The following EPM2A variants were observed in gnomAD, a reference collection of about 807,000 sequenced individuals.
EPM2A encodes EPM2A glucan phosphatase, laforin.
Under a neutral mutation model 26.5 loss-of-function variants are expected in EPM2A, and 21 were observed. The observed-to-expected ratio is 0.79, with a 90% CI of 0.56 to 1.14. The LOEUF is 1.14. Among genes scored for constraint, EPM2A ranks in the 50% most tolerant of loss-of-function variants. The pLI, the probability that EPM2A is intolerant of heterozygous loss-of-function variation, is 0.00. For synonymous variants in EPM2A, 217 were observed against 177.6 expected (o/e 1.22, Z -1.76); for missense variants, 458 against 440.8 (o/e 1.04, Z -0.35).
intron 3 of EPM2A, among the ~76,000 whole-genome samples, chr6:145,633,268 C>A (rs970851902): frequency 6.6e-6 from 1 of 152,182 alleles, no homozygotes; most frequent in African/African-American, 2.4e-5. Context: ...AAATCAGATT[C>A]AGAGATGCTA....
intron 2 of EPM2A, among the ~76,000 whole-genome samples, chr6:145,566,864 A>T (rs542135913): frequency 7.3e-4 from 111 of 152,356 alleles, no homozygotes; most frequent in Non-Finnish European, 1.5e-3. Context: ...GTAGTAAATT[A>T]GGAAAGAAAA....
At chr6:145,406,285 T>C (rs1582730860) in intron 4 of EPM2A, among the ~76,000 whole-genome samples, 1 of 152,314 alleles carries the variant, frequency 6.6e-6, no homozygotes, top group East Asian at 1.9e-4. Flanking sequence ...AGTGATCATG[T>C]AAGTTCCTAA....
intron 1 of EPM2A, chr6:145,734,485 T>C (rs750907099): frequency 6.6e-6 from 1 of 152,214 alleles, no homozygotes; most frequent in Non-Finnish European, 1.5e-5. Context: ...CAGCATGTAT[T>C]GTTTTAGTAT....
chr6:145,596,117 T>C (rs1038613994), intron 2 of EPM2A, among the ~76,000 whole-genome samples: 7 of 152,238 alleles, frequency 4.6e-5, no homozygotes, highest in African/African-American at 1.7e-4. Context: ...GACTACGTAT[T>C]ATCATATCAG....
chr6:145,730,084 A>G (rs1277635035), intron 1 of EPM2A, among the ~76,000 whole-genome samples: 1 of 152,048 alleles, frequency 6.6e-6, no homozygotes, highest in Non-Finnish European at 1.5e-5. Flanking sequence ...ATCTTCTGCC[A>G]TATTTGTTCG....
chr6:145,482,514 A>G (rs1779622909), intron 4 of EPM2A, among the ~76,000 whole-genome samples: 1 of 152,146 alleles, frequency 6.6e-6, no homozygotes, highest in African/African-American at 2.4e-5. Context: ...AAGAGCCTCT[A>G]TTTATTTAAA....
chr6:145,407,264 T>G (rs569406705), intron 4 of EPM2A, among the ~76,000 whole-genome samples: 16 of 152,286 alleles, frequency 1.1e-4, no homozygotes, highest in Admixed American at 3.3e-4. Context: ...ACTAAGTATT[T>G]AAAACACTGG....
intron 2 of EPM2A, among the ~76,000 whole-genome samples, chr6:145,525,392 G>A (rs1478143169): frequency 2.0e-5 from 3 of 151,884 alleles, no homozygotes; most frequent in Admixed American, 2.0e-4. Flanking sequence ...GATTGCTTTG[G>A]CAGTATGTCC....
intron 4 of EPM2A, among the ~76,000 whole-genome samples, chr6:145,390,689 C>T (rs1003881059): frequency 5.9e-5 from 9 of 152,026 alleles, no homozygotes; most frequent in Admixed American, 2.0e-4. Context: ...CTTGGCTTTG[C>T]TCATATTTTT....
intron 4 of EPM2A, among the ~76,000 whole-genome samples, chr6:145,389,842 C>T (rs1778314164): frequency 1.3e-5 from 2 of 152,132 alleles, no homozygotes; most frequent in Non-Finnish European, 2.9e-5. Context: ...TGATGACGGC[C>T]AATTTACAAT....
intron 4 of EPM2A, among the ~76,000 whole-genome samples, chr6:145,399,592 G>T (rs12210074): frequency 0.11 from 16,707 of 152,048 alleles, 962 homozygotes; most frequent in South Asian, 0.17. Context: ...AGTGCAAAAA[G>T]TATTGTGGAA....
intron 1 of EPM2A, among the ~76,000 whole-genome samples, chr6:145,723,901 CG>C (rs1252288896): frequency 6.6e-6 from 1 of 152,016 alleles, no homozygotes; most frequent in African/African-American, 2.4e-5. Flanking sequence ...GGATGCATAA[CG>C]TAAACTTTGA....
chr6:145,663,846 T>G (rs1778941011), intron 2 of EPM2A, among the ~76,000 whole-genome samples: 1 of 91,060 alleles, frequency 1.1e-5, no homozygotes, highest in Non-Finnish European at 2.2e-5. Context: ...CAGAAGAGAG[T>G]GGGGGCCAAC....
chr6:145,584,818 C>T (rs1265059923), intron 2 of EPM2A, among the ~76,000 whole-genome samples: 1 of 152,190 alleles, frequency 6.6e-6, no homozygotes, highest in Non-Finnish European at 1.5e-5. Flanking sequence ...TTCTCAATGC[C>T]TTCCCTCTGA....
Position 145,518,175 on chromosome 6 carries a change from T to G in EPM2A, c.341-15600A>C, listed in dbSNP as rs578015368. On this transcript the variant is annotated intron_variant, in intron 2 of 3. Coordinates refer to the EPM2A transcript ENST00000450221. ...AATGTGTTTACTTGCCTACATATAA[T>G]GAACCATACATCATTTTCTCAATAC... Among the ~76,000 whole-genome samples, 28 of 152,358 alleles carry G rather than the reference T, an allele frequency of 1.8e-4. 1 individual carries two copies. The South Asian group carries it at 5.6e-3, about 30-fold the overall frequency.
rs1262437560 is a variant in EPM2A, at chr6:145,588,086, T to C, written c.340+47159A>G. Among the ~76,000 whole-genome samples, 12 of 152,310 alleles carry C rather than the reference T, an allele frequency of 7.9e-5. No homozygotes were observed. The East Asian group carries it at 2.3e-3, about 29-fold the overall frequency. On this transcript the variant is annotated intron_variant, in intron 2 of 3. Transcript: ENST00000450221. ...AATGAACACCAAAAACCTCAGAGTA[T>C]ATGTCTCTGATGAACCAGAATGAAT...
chr6:145,482,829 T>G (rs949720632), intron 4 of EPM2A, among the ~76,000 whole-genome samples: 2 of 151,934 alleles, frequency 1.3e-5, no homozygotes, highest in African/African-American at 4.8e-5. Context: ...CTTTGTTTCA[T>G]TGCATTGATT....
intron 2 of EPM2A, among the ~76,000 whole-genome samples, chr6:145,556,020 T>A (rs751672987): frequency 6.6e-6 from 1 of 152,208 alleles, no homozygotes; most frequent in Non-Finnish European, 1.5e-5. Flanking sequence ...TATGCATACA[T>A]AATCTATCTC....
At chr6:145,692,936 C>A (rs1426621897) in intron 1 of EPM2A, among the ~76,000 whole-genome samples, 1 of 151,894 alleles carries the variant, frequency 6.6e-6, no homozygotes, top group Admixed American at 6.6e-5. Context: ...AAAGTTTTTT[C>A]TAATTCTGTG....
Sources: allele counts gnomAD v4.1 joint callset (sites outside exome capture counted in the v4.1 genomes callset), GRCh38; gene constraint gnomAD v4.1.1; transcripts MANE v1.5; gene names NCBI Gene and HGNC (gene_info 2026-07-23, HGNC 2026-07-21).